PMM2: variants seen among roughly 807,000 people sequenced by gnomAD.
PMM2 encodes the protein mannose-6-phosphate isomerase.
A neutral mutation model predicts 33.2 loss-of-function variants in PMM2; 35 were observed. The ratio of observed to expected loss-of-function variants is 1.06; its 90% CI spans 0.81 to 1.40. The LOEUF (loss-of-function observed/expected upper bound fraction) is 1.40, where lower values mean the gene tolerates loss of function less well. Among genes scored for constraint, PMM2 ranks in the 40% most tolerant of loss-of-function variants. The probability of loss-of-function intolerance (pLI) is 0.00; values close to 1 mark genes in which losing one functional copy is unlikely to be tolerated. For synonymous variants in PMM2, 153 were observed against 114.7 expected (o/e 1.33, Z -2.13); for missense variants, 386 against 306.0 (o/e 1.26, Z -1.95).
chr16:8,829,526 T>G (rs1332361468), intron 7 of PMM2, among the ~76,000 whole-genome samples: 1 of 152,226 alleles, frequency 6.6e-6, no homozygotes, highest in Non-Finnish European at 1.5e-5. Context: ...AGAGTACACA[T>G]GACAAAACTA....
Position 8,840,730 on chromosome 16 carries a change from T to G in PMM2, c.640-6994T>G, listed in dbSNP as rs942858298. On this transcript the variant is annotated intron_variant, in intron 7 of 7. Transcript: ENST00000268261. ...CTTTATTCTGGAACGGTGAGCCTAG[T>G]GGGGAGGATCCTGCAGGCGGACAGC... is the stretch of plus-strand genomic sequence containing the variant. 1.8e-4 allele frequency among the ~76,000 whole-genome samples: 28 copies of G among 152,050 alleles called. 1 individual carries two copies. The highest frequency in any genetic ancestry group is 1.2e-3 in the South Asian group (6 of 4,818).
chr16:8,848,315 A>G lies in PMM2; in HGVS notation c.*490A>G. 1 of 180,170 alleles carries G rather than the reference A, an allele frequency of 5.6e-6. No individual in the cohort carries two copies. The highest frequency in any genetic ancestry group is 5.4e-5 in the Admixed American group (1 of 18,386). 11.2% of individuals were successfully genotyped at this position (180,170 alleles called of 1,614,324 possible). A position where few individuals can be genotyped will look rare whatever the true frequency, so the allele number is the denominator to read the frequency against. On this transcript the variant is annotated 3_prime_UTR_variant, in exon 8 of 8. Transcript: ENST00000268261. ...CCAGCCCAGGACGAAGTTTACAAAC[A>G]CCTCCTGGAACGAAGCTCCCGCCTG...
intron 7 of PMM2, chr16:8,832,090 T>A: frequency 2.1e-6 from 2 of 964,750 alleles, no homozygotes; most frequent in Non-Finnish European, 1.2e-6. Flanking sequence ...TCCTTTCATT[T>A]CATTTGGGGT....
chr16:8,838,623 G>T (rs1219131737), intron 7 of PMM2, among the ~76,000 whole-genome samples: 1 of 152,078 alleles, frequency 6.6e-6, no homozygotes, highest in Admixed American at 6.6e-5. Flanking sequence ...AACATTTGTT[G>T]TATAGAATGA....
At chr16:8,825,656 A>G (rs951292452) in intron 7 of PMM2, among the ~76,000 whole-genome samples, 3 of 152,084 alleles carry the variant, frequency 2.0e-5, no homozygotes, top group African/African-American at 7.2e-5. Flanking sequence ...AAACAAATGT[A>G]TCCGATTTTA....
intron 7 of PMM2, among the ~76,000 whole-genome samples, chr16:8,817,048 A>G (rs1468188115): frequency 6.6e-6 from 1 of 152,196 alleles, no homozygotes; most frequent in Non-Finnish European, 1.5e-5. Flanking sequence ...CCTCCCAAGT[A>G]GCTGGAATTA....
chr16:8,824,390 G>C (rs1274590037), intron 7 of PMM2, among the ~76,000 whole-genome samples: 3 of 152,200 alleles, frequency 2.0e-5, no homozygotes, highest in Non-Finnish European at 4.4e-5. Flanking sequence ...TCTCAGGACA[G>C]CCGTAGTTAA....
At chr16:8,819,418 T>G (rs2060724713) in intron 7 of PMM2, among the ~76,000 whole-genome samples, 1 of 152,292 alleles carries the variant, frequency 6.6e-6, no homozygotes, top group Non-Finnish European at 1.5e-5. Flanking sequence ...ATGGATGAAA[T>G]TTACAGAGGT....
intron 2 of PMM2, among the ~76,000 whole-genome samples, chr16:8,803,898 G>C (rs2060629586): frequency 6.6e-6 from 1 of 151,614 alleles, no homozygotes; most frequent in South Asian, 2.1e-4. Context: ...TGGCCAGGCT[G>C]GTCTTGAACT....
At chr16:8,798,265 C>T (rs1010323375) in intron 1 of PMM2, among the ~76,000 whole-genome samples, 2 of 152,190 alleles carry the variant, frequency 1.3e-5, no homozygotes, top group Non-Finnish European at 2.9e-5. Context: ...AACCCAAGAT[C>T]AGGCCCCCTT....
chr16:8,843,296 C>T (rs1247967929), intron 7 of PMM2, among the ~76,000 whole-genome samples: 12 of 152,094 alleles, frequency 7.9e-5, no homozygotes, highest in Admixed American at 6.6e-5. Flanking sequence ...GAGAGTTACC[C>T]AAAGCTTGGC....
At chr16:8,804,287 C>G (rs1267922594) in intron 2 of PMM2, among the ~76,000 whole-genome samples, 3 of 152,048 alleles carry the variant, frequency 2.0e-5, no homozygotes, top group Admixed American at 6.6e-5. Flanking sequence ...AAAACCCCGC[C>G]AGCCTCAGCC....
At chr16:8,837,747 C>G (rs998968434) in intron 7 of PMM2, among the ~76,000 whole-genome samples, 1 of 151,998 alleles carries the variant, frequency 6.6e-6, no homozygotes, top group African/African-American at 2.4e-5. Context: ...AAAAGTGGGA[C>G]TTGCCGCTAA....
At position 8,812,961 on chromosome 16, in the gene PMM2, G is replaced by A. The variant is rs189031794; in HGVS notation, c.524-30G>A. On this transcript the variant is annotated intron_variant, in intron 6 of 7. Coordinates refer to ENST00000268261, the MANE Select transcript of PMM2 (RefSeq NM_000303.3). The stretch of plus-strand genomic sequence containing the variant: ...ATCATTAGCCCCTTTTTCACCTTTT[G>A]CCTTTGTGTGCCCCGTCCCCACCCG... 208 of 1,235,052 alleles carry A rather than the reference G, an allele frequency of 1.7e-4. 1 individual carries two copies. The East Asian group carries it at 2.9e-3, about 17-fold the overall frequency. The allele number at this position is 1,235,052 out of a possible 1,614,324, so 76.5% of individuals were successfully genotyped here.
Position 8,818,869 on chromosome 16 carries a change from CAG to C in PMM2, c.639+5775_639+5776del, listed in dbSNP as rs577247901. Among the ~76,000 whole-genome samples, 714 of 149,394 alleles carry C rather than the reference CAG, an allele frequency of 4.8e-3. 5 individuals carry two copies. Among genetic ancestry groups the C allele is most frequent in the Middle Eastern group, 0.01 (3 of 294 alleles). On this transcript the variant is annotated intron_variant, in intron 7 of 7. Transcript: ENST00000268261. ...TGGCATGGAGTACCTTGGTTTGTTG[CAG>C]AGAGAGAGAGACGGCAAGGGCAGAG... is the stretch of plus-strand genomic sequence containing the variant.
At chr16:8,802,896 C>T (rs2060624069) in intron 2 of PMM2, among the ~76,000 whole-genome samples, 1 of 151,894 alleles carries the variant, frequency 6.6e-6, no homozygotes, top group African/African-American at 2.4e-5. Context: ...CCCTGTTGTC[C>T]CCAGAGTCCT....
At chr16:8,830,511 A>G (rs916401618) in intron 7 of PMM2, among the ~76,000 whole-genome samples, 6 of 152,006 alleles carry the variant, frequency 3.9e-5, no homozygotes, top group Admixed American at 2.6e-4. Context: ...TGGAGATGAA[A>G]TCATAGGGGG....
intron 7 of PMM2, among the ~76,000 whole-genome samples, chr16:8,819,289 G>T (rs2060724112): frequency 6.6e-6 from 1 of 152,210 alleles, no homozygotes; most frequent in South Asian, 2.1e-4. Flanking sequence ...AGGGCTTTTT[G>T]TTAGGTGATC....
chr16:8,821,045 T>A (rs927265745), intron 7 of PMM2, among the ~76,000 whole-genome samples: 2 of 152,178 alleles, frequency 1.3e-5, no homozygotes, highest in African/African-American at 4.8e-5. Flanking sequence ...CTTTCAGGAC[T>A]CAAGGCTAAG....
Sources: gnomAD v4.1 joint callset for allele counts (sites outside exome capture counted in the v4.1 genomes callset) on GRCh38, gnomAD v4.1.1 for gene constraint, MANE v1.5 for transcripts, NCBI Gene and HGNC (gene_info 2026-07-23, HGNC 2026-07-21) for gene names.